The following RANBP2 variants were observed in gnomAD, a reference collection of about 807,000 sequenced individuals.
RANBP2 encodes the protein E3 SUMO-protein ligase RanBP2.
A neutral mutation model predicts 303.6 loss-of-function variants in RANBP2; 57 were observed. The observed-to-expected ratio is 0.19, with a 90% CI of 0.15 to 0.23. RANBP2 has a LOEUF of 0.23. Ranked by LOEUF, RANBP2 falls within the 10% of genes least tolerant of loss-of-function variation. The pLI is 1.00. For synonymous variants in RANBP2, 1,167 were observed against 1,301.5 expected (o/e 0.90, Z 2.23); for missense variants, 3,138 against 3,780.8 (o/e 0.83, Z 4.46).
chr2:108,958,522 G>T, the RANBP2 span, among the ~76,000 whole-genome samples: 1 of 152,136 alleles, frequency 6.6e-6, no homozygotes, highest in African/African-American at 2.4e-5. Flanking sequence ...AGAACAGGGG[G>T]GCATGGCAAG....
chr2:108,893,506 T>C, the RANBP2 span, among the ~76,000 whole-genome samples: 4 of 152,206 alleles, frequency 2.6e-5, no homozygotes, highest in East Asian at 5.8e-4. Context: ...ATGGGATGAC[T>C]CACTGGGGAT....
chr2:108,971,782 G>C, the RANBP2 span, among the ~76,000 whole-genome samples: 1 of 152,200 alleles, frequency 6.6e-6, no homozygotes, highest in African/African-American at 2.4e-5. Context: ...ACCTTCAAAA[G>C]GTGGAGCCTA....
chr2:108,749,854 A>G (rs1443134035), intron 9 of RANBP2, among the ~76,000 whole-genome samples: 2 of 151,938 alleles, frequency 1.3e-5, no homozygotes, highest in South Asian at 2.1e-4. Flanking sequence ...TAAGCCCCCA[A>G]AGTGTTGGGA....
At chr2:109,588,782 T>C in the RANBP2 span, among the ~76,000 whole-genome samples, 1 of 148,628 alleles carries the variant, frequency 6.7e-6, no homozygotes, top group Non-Finnish European at 1.5e-5. Context: ...TGAGCCACCA[T>C]GCCAGGCTAA....
chr2:109,104,885 G>T, the RANBP2 span, among the ~76,000 whole-genome samples: 1 of 152,184 alleles, frequency 6.6e-6, no homozygotes, highest in Non-Finnish European at 1.5e-5. Context: ...AGTGCTTTGT[G>T]TACATCAACT....
At chr2:109,235,401 T>C in the RANBP2 span, among the ~76,000 whole-genome samples, 3 of 152,100 alleles carry the variant, frequency 2.0e-5, no homozygotes, top group East Asian at 3.9e-4. Context: ...AGCCTTTGTG[T>C]GTGTTAGCTG....
At chr2:109,262,873 T>C in the RANBP2 span, among the ~76,000 whole-genome samples, 13 of 152,250 alleles carry the variant, frequency 8.5e-5, no homozygotes, top group Non-Finnish European at 1.3e-4. Context: ...TCCTCTGTTG[T>C]CCAGGCTGGA....
At chr2:108,985,123 A>G in the RANBP2 span, among the ~76,000 whole-genome samples, 2 of 151,896 alleles carry the variant, frequency 1.3e-5, no homozygotes, top group Non-Finnish European at 2.9e-5. Context: ...ACTCTTTTTT[A>G]TTTTCAGGAG....
chr2:109,304,960 A>G, the RANBP2 span, among the ~76,000 whole-genome samples: 5 of 152,180 alleles, frequency 3.3e-5, no homozygotes, highest in South Asian at 6.2e-4. Flanking sequence ...ATCAGCGTCA[A>G]CTTATGAGTA....
At chr2:108,889,346 G>C in the RANBP2 span, among the ~76,000 whole-genome samples, 1 of 152,166 alleles carries the variant, frequency 6.6e-6, no homozygotes, top group Non-Finnish European at 1.5e-5. Flanking sequence ...AATGCTTTTT[G>C]ATTTTCTGTC....
At chr2:109,085,948 C>T in the RANBP2 span, among the ~76,000 whole-genome samples, 3 of 152,154 alleles carry the variant, frequency 2.0e-5, no homozygotes, top group African/African-American at 7.2e-5. Flanking sequence ...GCATTAAGTA[C>T]ATTCATGCCA....
intron 24 of RANBP2, 112 bp downstream of exon 24, chr2:108,776,048 G>C (rs1392827758): frequency 1.2e-6 from 1 of 829,892 alleles, no homozygotes; most frequent in African/African-American, 1.7e-5. Flanking sequence ...ATTTTGATAT[G>C]TATAAAGGGG....
chr2:109,143,807 T>TACAC, the RANBP2 span, among the ~76,000 whole-genome samples: 390 of 88,506 alleles, frequency 4.4e-3, no homozygotes, highest in African/African-American at 0.011. Flanking sequence ...TGCTGTGCTG[T>TACAC]ATACACACAC....
chr2:109,182,371 A>G, the RANBP2 span, among the ~76,000 whole-genome samples: 18 of 152,340 alleles, frequency 1.2e-4, no homozygotes, highest in South Asian at 3.5e-3. Context: ...CCACTTAGGA[A>G]GGTGAAGCCC....
chr2:108,859,915 T>TC, the RANBP2 span, among the ~76,000 whole-genome samples: 1 of 152,192 alleles, frequency 6.6e-6, no homozygotes, highest in Non-Finnish European at 1.5e-5. Flanking sequence ...TAAATGATCT[T>TC]AATTCTTCCA....
chr2:109,194,848 A>G, the RANBP2 span, among the ~76,000 whole-genome samples: 1 of 152,188 alleles, frequency 6.6e-6, no homozygotes, highest in African/African-American at 2.4e-5. Flanking sequence ...GACATGCCAT[A>G]TAGAGAACCC....
intron 1 of RANBP2, among the ~76,000 whole-genome samples, chr2:108,725,998 T>A (rs1694671141): frequency 6.6e-6 from 1 of 152,172 alleles, no homozygotes; most frequent in Non-Finnish European, 1.5e-5. Context: ...TTTCTTAATT[T>A]CCTTTTCTGA....
chr2:108,733,261 T>C (rs1232953051), intron 4 of RANBP2, among the ~76,000 whole-genome samples: 1 of 94,460 alleles, frequency 1.1e-5, no homozygotes, highest in African/African-American at 4.6e-5. Context: ...CATTCCCTTT[T>C]TTTTTTTTTT....
At chr2:108,791,827 C>G in the RANBP2 span, 2 of 1,551,454 alleles carry the variant, frequency 1.3e-6, no homozygotes, top group East Asian at 4.6e-5. Context: ...TTAGAACAAT[C>G]AATTCAGTAG....
Sources: allele counts gnomAD v4.1 joint callset (sites outside exome capture counted in the v4.1 genomes callset), GRCh38; gene constraint gnomAD v4.1.1; transcripts MANE v1.5; gene names NCBI Gene and HGNC (gene_info 2026-07-23, HGNC 2026-07-21).